The following HIPK2 variants were observed in gnomAD, a reference collection of about 807,000 sequenced individuals.
HIPK2 encodes homeodomain-interacting protein kinase 2.
A neutral mutation model predicts 113.7 loss-of-function variants in HIPK2; 27 were observed. The ratio of observed to expected loss-of-function variants is 0.24; its 90% confidence interval spans 0.17 to 0.33. The LOEUF is 0.33. Ranked by LOEUF, HIPK2 falls within the 10% of genes least tolerant of loss-of-function variation. HIPK2 has a pLI of 1.00. For missense variants in HIPK2, 1,257 were observed against 1,588.0 expected, an observed-to-expected ratio of 0.79 and a Z score of 3.54; for synonymous variants, 631 against 642.2, an observed-to-expected ratio of 0.98 and a Z score of 0.26.
At chr7:139,621,797 C>A (rs989689707) in intron 6 of HIPK2, among the ~76,000 whole-genome samples, 1 of 151,564 alleles carries the variant, frequency 6.6e-6, no homozygotes, top group African/African-American at 2.4e-5. Context: ...GTGGCACGTG[C>A]GCATGGTCCC....
chr7:139,674,644 G>A (rs576257425), intron 2 of HIPK2, among the ~76,000 whole-genome samples: 1 of 152,126 alleles, frequency 6.6e-6, no homozygotes, highest in South Asian at 2.1e-4. Flanking sequence ...TCCTTTCCAC[G>A]AAAGGAAGAA....
chr7:139,655,001 AT>A (rs1801605969), intron 2 of HIPK2, among the ~76,000 whole-genome samples: 1 of 152,186 alleles, frequency 6.6e-6, no homozygotes, highest in Non-Finnish European at 1.5e-5. Flanking sequence ...TCCCGATCCC[AT>A]GCAATTACAT....
At chr7:139,711,815 C>G (rs1239963723) in intron 2 of HIPK2, among the ~76,000 whole-genome samples, 1 of 152,148 alleles carries the variant, frequency 6.6e-6, no homozygotes, top group Non-Finnish European at 1.5e-5. Flanking sequence ...AACAAAAGGG[C>G]AGGGGCGCCC....
intron 2 of HIPK2, among the ~76,000 whole-genome samples, chr7:139,697,358 G>A (rs1409047438): frequency 6.6e-6 from 1 of 152,176 alleles, no homozygotes; most frequent in African/African-American, 2.4e-5. Context: ...TACTGTTTCA[G>A]CCTACAGCCG....
At chr7:139,639,414 CTAAG>C (rs1022815054) in intron 2 of HIPK2, among the ~76,000 whole-genome samples, 36 of 152,204 alleles carry the variant, frequency 2.4e-4, no homozygotes, top group African/African-American at 8.7e-4. Flanking sequence ...CCACCATTTA[CTAAG>C]TGTTTCCTCT....
At chr7:139,658,515 G>A (rs978286096) in intron 2 of HIPK2, among the ~76,000 whole-genome samples, 1 of 152,226 alleles carries the variant, frequency 6.6e-6, no homozygotes, top group Non-Finnish European at 1.5e-5. Context: ...ATGAGAAGTA[G>A]GAAAGCGAAA....
At chr7:139,622,911 G>C (rs1044698129) in intron 6 of HIPK2, among the ~76,000 whole-genome samples, 4 of 152,130 alleles carry the variant, frequency 2.6e-5, no homozygotes, top group African/African-American at 9.7e-5. Context: ...ACCAAGCCGT[G>C]AAACACTCTA....
intron 1 of HIPK2, among the ~76,000 whole-genome samples, chr7:139,729,330 A>C (rs1795693688): frequency 2.6e-5 from 1 of 37,816 alleles, no homozygotes; most frequent in Non-Finnish European, 4.2e-5. Context: ...TCTCTGAGAG[A>C]GAGAGAGAGA....
intron 9 of HIPK2, 84 bp from the exon 10 acceptor site, chr7:139,604,307 G>C: frequency 6.5e-7 from 1 of 1,527,618 alleles, no homozygotes; most frequent in Non-Finnish European, 8.8e-7. Flanking sequence ...TCTGTGCCTG[G>C]GGTTGTGCTA....
At chr7:139,739,092 GT>G (rs1796025702) in intron 1 of HIPK2, among the ~76,000 whole-genome samples, 2 of 152,192 alleles carry the variant, frequency 1.3e-5, no homozygotes, top group Admixed American at 1.3e-4. Context: ...ACAAAGGTAA[GT>G]TTCGGGCAAG....
chr7:139,584,105 G>A (rs149071847), intron 12 of HIPK2, 41 bp from the exon 13 acceptor site: 20,218 of 1,546,480 alleles, frequency 0.013, 191 homozygotes, highest in Middle Eastern at 0.019. Context: ...GGAGAAGGCC[G>A]TGAGGTGAGA....
At chr7:139,669,707 T>C (rs1355673503) in intron 2 of HIPK2, among the ~76,000 whole-genome samples, 2 of 151,914 alleles carry the variant, frequency 1.3e-5, no homozygotes, top group Non-Finnish European at 1.5e-5. Context: ...GCACAGAATG[T>C]CAGATACTTC....
At chr7:139,606,759 C>A (rs1378304801) in intron 9 of HIPK2, among the ~76,000 whole-genome samples, 2 of 152,168 alleles carry the variant, frequency 1.3e-5, no homozygotes, top group African/African-American at 4.8e-5. Flanking sequence ...GCTGGACTTG[C>A]CTCTTTTCAG....
At chr7:139,623,099 G>A (rs1049056017) in intron 6 of HIPK2, among the ~76,000 whole-genome samples, 7 of 152,126 alleles carry the variant, frequency 4.6e-5, no homozygotes, top group African/African-American at 1.2e-4. Flanking sequence ...CATTTTACCC[G>A]TGATATCAAA....
intron 2 of HIPK2, among the ~76,000 whole-genome samples, chr7:139,649,547 G>GGA (rs1801379986): frequency 7.3e-6 from 1 of 136,932 alleles, no homozygotes; most frequent in Non-Finnish European, 1.7e-5. Flanking sequence ...GAGCCTGAGG[G>GGA]TATGTGTGTG....
At chr7:139,574,610 G>A (rs1239429255) in intron 14 of HIPK2, among the ~76,000 whole-genome samples, 1 of 152,214 alleles carries the variant, frequency 6.6e-6, no homozygotes, top group Non-Finnish European at 1.5e-5. Flanking sequence ...CTGATGCCGA[G>A]CCCTTGACAC....
At chr7:139,715,784 T>A (rs1485874851) in intron 2 of HIPK2, 148 bp downstream of exon 2, 7 of 1,121,966 alleles carry the variant, frequency 6.2e-6, no homozygotes, top group African/African-American at 4.7e-5. Context: ...AATGTGCACA[T>A]GTCCTAATTT....
intron 2 of HIPK2, among the ~76,000 whole-genome samples, chr7:139,706,716 C>A (rs1277436384): frequency 6.6e-6 from 1 of 152,234 alleles, no homozygotes; most frequent in Non-Finnish European, 1.5e-5. Flanking sequence ...CAACTCCTCG[C>A]AAACGTTTAG....
intron 2 of HIPK2, among the ~76,000 whole-genome samples, chr7:139,664,171 CAT>C (rs1262265824): frequency 6.6e-6 from 1 of 151,266 alleles, no homozygotes; most frequent in African/African-American, 2.4e-5. Flanking sequence ...CCAAATATCT[CAT>C]GTTAATCTCA....
Sources: allele counts gnomAD v4.1 joint callset (sites outside exome capture counted in the v4.1 genomes callset), GRCh38; gene constraint gnomAD v4.1.1; transcripts MANE v1.5; gene names NCBI Gene and HGNC (gene_info 2026-07-23, HGNC 2026-07-21).